Variants in IGSF11 observed in about 807,000 individuals in gnomAD.
IGSF11 encodes CXADR like 1.
Under a neutral mutation model 41.0 loss-of-function variants are expected in IGSF11, and 22 were observed. That is an observed-to-expected ratio of 0.54 (90% CI 0.38 to 0.77). The LOEUF (loss-of-function observed/expected upper bound fraction) is 0.77, where lower values mean the gene tolerates loss of function less well. Among genes scored for constraint, IGSF11 ranks in the 30% least tolerant of loss-of-function variants. The pLI, the probability that IGSF11 is intolerant of heterozygous loss-of-function variation, is 0.00. For missense variants in IGSF11, 444 were observed against 530.8 expected (o/e 0.84, Z 1.61); for synonymous variants, 219 against 201.3 (o/e 1.09, Z -0.74).
At chr3:119,018,589 G>C (rs753185569) in intron 1 of IGSF11, among the ~76,000 whole-genome samples, 21 of 152,074 alleles carry the variant, frequency 1.4e-4, no homozygotes, top group Non-Finnish European at 2.6e-4. Flanking sequence ...TTAACTATAG[G>C]TACTGGAATT....
intron 1 of IGSF11, among the ~76,000 whole-genome samples, chr3:118,977,816 C>T (rs1310463460): frequency 6.6e-6 from 1 of 152,152 alleles, no homozygotes; most frequent in East Asian, 1.9e-4. Flanking sequence ...TCGAGTCCCA[C>T]AAACCCGAGT....
At chr3:119,057,372 A>G (rs1306465579) in intron 1 of IGSF11, among the ~76,000 whole-genome samples, 3 of 151,710 alleles carry the variant, frequency 2.0e-5, no homozygotes, top group African/African-American at 2.4e-5. Flanking sequence ...CCCATTCACA[A>G]TTGCTTCAAA....
chr3:119,072,740 G>C (rs569465345), intron 1 of IGSF11, among the ~76,000 whole-genome samples: 68 of 152,294 alleles, frequency 4.5e-4, no homozygotes, highest in African/African-American at 1.5e-3. Flanking sequence ...TAAAGGCAGT[G>C]CAGACCCAAA....
At chr3:119,106,570 T>C (rs762446598), upstream of IGSF11, among the ~76,000 whole-genome samples, 1 of 152,138 alleles carries the variant, frequency 6.6e-6, no homozygotes, top group Non-Finnish European at 1.5e-5. Context: ...TACTCCATTG[T>C]ATACATGTCC....
Position 118,966,018 on chromosome 3 carries a change from A to C in IGSF11, c.53-35743T>G, listed in dbSNP as rs939625736. On this transcript the variant is annotated intron_variant, in intron 1 of 6. Coordinates refer to ENST00000393775, the MANE Select transcript of IGSF11 (RefSeq NM_001015887.3). ...GGCCACAGAAATGAGAAAAAAAAAA[A>C]CAGAAGAGTAAAAAGAATTGTTGTG... 1.1e-4 allele frequency among the ~76,000 whole-genome samples: 17 copies of C among 152,032 alleles called. No homozygotes were observed. The South Asian group carries it at 2.9e-3, about 26-fold the overall frequency.
intron 1 of IGSF11, among the ~76,000 whole-genome samples, chr3:119,074,138 A>C (rs1000032365): frequency 6.6e-6 from 1 of 152,222 alleles, no homozygotes; most frequent in Non-Finnish European, 1.5e-5. Flanking sequence ...GATATTTGGA[A>C]CCTAAACTTG....
Position 118,900,615 on chromosome 3 carries a change from A to C in IGSF11, c.*1905T>G, listed in dbSNP as rs949686961. The C allele has an allele frequency of 1.0e-4, 16 of 152,622 alleles. No individual in the cohort carries two copies. The highest frequency in any genetic ancestry group is 3.9e-4 in the African/African-American group (16 of 41,460). 9.5% of individuals were successfully genotyped at this position (152,622 alleles called of 1,614,324 possible). ...AATGACATACTCGTTAGTATTGATAATTAATGACAACTTATTTTATATGAA... is the reference window on the plus strand; with the variant it reads ...AATGACATACTCGTTAGTATTGATACTTAATGACAACTTATTTTATATGAA... On this transcript the variant is annotated 3_prime_UTR_variant, in exon 7 of 7. Coordinates refer to ENST00000393775, the MANE Select transcript of IGSF11 (RefSeq NM_001015887.3).
chr3:119,034,831 G>T lies in IGSF11; in HGVS notation c.-249C>A, dbSNP rs1323325058. 9 of 1,246,970 alleles carry T rather than the reference G, an allele frequency of 7.2e-6. No homozygotes were observed. The highest frequency in any genetic ancestry group is 9.0e-6 in the Non-Finnish European group (9 of 995,090). The allele number at this position is 1,246,970 out of a possible 1,614,324, so 77.2% of individuals were successfully genotyped here. ...CCGGGCTCGCCAGCCGTGCCACCCA[G>T]CCCTGCCCCAGGACTAGCCGACCCC... On this transcript the variant is annotated 5_prime_UTR_variant, in exon 1 of 7. It adds an upstream start codon to the 5' untranslated region. Coordinates refer to ENST00000393775, the MANE Select transcript of IGSF11 (RefSeq NM_001015887.3).
intron 1 of IGSF11, among the ~76,000 whole-genome samples, chr3:119,029,278 G>C (rs984681023): frequency 9.2e-6 from 1 of 108,204 alleles, no homozygotes; most frequent in African/African-American, 2.9e-5. Flanking sequence ...ACACACACCC[G>C]AGAGAGAGAG....
At chr3:118,952,952 T>C (rs1000130003) in intron 1 of IGSF11, among the ~76,000 whole-genome samples, 5 of 152,146 alleles carry the variant, frequency 3.3e-5, no homozygotes, top group African/African-American at 9.7e-5. Context: ...TTTGGTTACA[T>C]GGATAAGTGC....
At chr3:119,119,935 T>G (rs1349893629) in intron 1 of IGSF11, among the ~76,000 whole-genome samples, 1 of 152,250 alleles carries the variant, frequency 6.6e-6, no homozygotes, top group Admixed American at 6.5e-5. Context: ...TTGAATGTTT[T>G]GCTGCTTAAT....
chr3:118,969,712 T>C (rs1378111484), intron 1 of IGSF11, among the ~76,000 whole-genome samples: 1 of 152,174 alleles, frequency 6.6e-6, no homozygotes, highest in African/African-American at 2.4e-5. Flanking sequence ...GAAAATTAAA[T>C]TTCAGTCAAG....
Position 118,902,476 on chromosome 3 carries a change from G to A in IGSF11, c.*44C>T, listed in dbSNP as rs763378734. 1 of 802,608 alleles carries A rather than the reference G, an allele frequency of 1.2e-6. No homozygotes were observed. Among genetic ancestry groups the A allele is most frequent in the Non-Finnish European group, 2.0e-6 (1 of 493,316 alleles). The allele number at this position is 802,608 out of a possible 1,614,324, so 49.7% of individuals were successfully genotyped here. A position where few individuals can be genotyped will look rare whatever the true frequency, so the allele number is the denominator to read the frequency against. ...CACCCCACCCTCCCCCTTGTATGAGGGCATTCCATTTATTCATTTCTGAAC... is the reference window on the plus strand; with the variant it reads ...CACCCCACCCTCCCCCTTGTATGAGAGCATTCCATTTATTCATTTCTGAAC... On this transcript the variant is annotated 3_prime_UTR_variant, in exon 7 of 7. Transcript: ENST00000393775.
chr3:119,046,619 A>G (rs373656687), intron 1 of IGSF11, among the ~76,000 whole-genome samples: 27 of 152,036 alleles, frequency 1.8e-4, no homozygotes, highest in South Asian at 1.2e-3. Context: ...GCAGGCCAAC[A>G]TTCAGATTCA....
intron 1 of IGSF11, among the ~76,000 whole-genome samples, chr3:119,029,440 T>G (rs1940187967): frequency 6.6e-6 from 1 of 152,208 alleles, no homozygotes; most frequent in Non-Finnish European, 1.5e-5. Flanking sequence ...GTGATTTCTG[T>G]GTCTGCCTGG....
At chr3:119,048,765 C>A (rs892568747) in intron 1 of IGSF11, among the ~76,000 whole-genome samples, 1 of 151,836 alleles carries the variant, frequency 6.6e-6, no homozygotes, top group Non-Finnish European at 1.5e-5. Context: ...ACTGGCAAAC[C>A]GAATCCAGCA....
chr3:119,129,917 C>T (rs1481040152), intron 1 of IGSF11, among the ~76,000 whole-genome samples: 1 of 151,816 alleles, frequency 6.6e-6, no homozygotes, highest in African/African-American at 2.4e-5. Flanking sequence ...TCCAGGAGGT[C>T]GACGCTGCAG....
Position 118,902,518 on chromosome 3 carries a change from T to G in IGSF11, c.*2A>C, listed in dbSNP as rs760553547. ...TTTCTGAACACAACATTTCCTCATG[T>G]CCTATACCAAGGACCCGGCCCGACT... On this transcript the variant is annotated 3_prime_UTR_variant, in exon 7 of 7. Transcript: ENST00000393775. 1 of 1,544,172 alleles carries G rather than the reference T, an allele frequency of 6.5e-7. No individual in the cohort carries two copies. Among genetic ancestry groups the G allele is most frequent in the Non-Finnish European group, 8.8e-7 (1 of 1,136,064 alleles).
chr3:119,040,778 A>G (rs1275172130), intron 1 of IGSF11, among the ~76,000 whole-genome samples: 2 of 152,240 alleles, frequency 1.3e-5, no homozygotes, highest in Admixed American at 6.5e-5. Context: ...GAATGAAGCA[A>G]TTCTCAAGAA....
Sources: gnomAD v4.1 joint callset for allele counts (sites outside exome capture counted in the v4.1 genomes callset) on GRCh38, gnomAD v4.1.1 for gene constraint, MANE v1.5 for transcripts, NCBI Gene and HGNC (gene_info 2026-07-23, HGNC 2026-07-21) for gene names.